The following ARHGEF3 variants were observed in gnomAD, a reference collection of about 807,000 sequenced individuals.
ARHGEF3 encodes the protein 59.8 kDA protein.
In ARHGEF3, 28 loss-of-function variants were observed where a neutral mutation model predicts 63.2. That is an observed-to-expected ratio of 0.44 (90% CI 0.33 to 0.61). The LOEUF is 0.61. Ranked by LOEUF, ARHGEF3 falls within the 20% of genes least tolerant of loss-of-function variation. The probability of loss-of-function intolerance (pLI) is 0.03; values close to 1 mark genes in which losing one functional copy is unlikely to be tolerated. For synonymous variants in ARHGEF3, 266 were observed against 254.2 expected (o/e 1.05, Z -0.44); for missense variants, 533 against 659.3 (o/e 0.81, Z 2.10).
chr3:56,857,071 A>T (rs926231427), intron 4 of ARHGEF3, among the ~76,000 whole-genome samples: 9 of 151,836 alleles, frequency 5.9e-5, no homozygotes, highest in East Asian at 1.9e-4. Flanking sequence ...ATAATTTTTT[A>T]AAATTTTTTT....
intron 3 of ARHGEF3, among the ~76,000 whole-genome samples, chr3:56,913,466 C>T (rs990883188): frequency 2.0e-5 from 3 of 152,056 alleles, no homozygotes; most frequent in Non-Finnish European, 4.4e-5. Context: ...TACCACTTCA[C>T]ACCTATTAGA....
intron 2 of ARHGEF3, among the ~76,000 whole-genome samples, chr3:56,768,039 T>G (rs193290488): frequency 6.6e-6 from 1 of 151,470 alleles, no homozygotes; most frequent in Admixed American, 6.6e-5. Flanking sequence ...TGAGCCACCA[T>G]GCCCAGCCCC....
intron 3 of ARHGEF3, among the ~76,000 whole-genome samples, chr3:56,895,717 C>T (rs1459062285): frequency 1.3e-5 from 2 of 152,124 alleles, no homozygotes; most frequent in Non-Finnish European, 2.9e-5. Flanking sequence ...CCTGCCTCGG[C>T]CTCCCAAAGT....
chr3:56,927,191 A>G (rs2108382411), intron 3 of ARHGEF3, among the ~76,000 whole-genome samples: 1 of 152,334 alleles, frequency 6.6e-6, no homozygotes, highest in South Asian at 2.1e-4. Flanking sequence ...CAGTAAGAGG[A>G]CCCACTGCAA....
intron 1 of ARHGEF3, among the ~76,000 whole-genome samples, chr3:57,036,320 T>C (rs35612847): frequency 6.6e-6 from 1 of 152,026 alleles, no homozygotes; most frequent in South Asian, 2.1e-4. Context: ...ACTGGTAAAA[T>C]ACCATTCGGG....
chr3:56,756,591 C>G (rs2035081873), intron 2 of ARHGEF3, among the ~76,000 whole-genome samples: 4 of 148,278 alleles, frequency 2.7e-5, no homozygotes, highest in Middle Eastern at 6.9e-3. Context: ...GCTCTGTCGC[C>G]CAGGCTGGAG....
At chr3:57,010,284 C>T (rs1375850638) in intron 2 of ARHGEF3, among the ~76,000 whole-genome samples, 2 of 151,966 alleles carry the variant, frequency 1.3e-5, no homozygotes, top group Non-Finnish European at 2.9e-5. Context: ...GAAACCCCAT[C>T]TCTACTAAAA....
chr3:57,027,322 G>A (rs1703516729), intron 2 of ARHGEF3, among the ~76,000 whole-genome samples: 1 of 152,186 alleles, frequency 6.6e-6, no homozygotes, highest in Non-Finnish European at 1.5e-5. Flanking sequence ...GCCACCCTAT[G>A]AGAAGGTGAC....
intron 2 of ARHGEF3, among the ~76,000 whole-genome samples, chr3:56,761,610 T>G (rs2035426104): frequency 6.6e-6 from 1 of 152,168 alleles, no homozygotes; most frequent in African/African-American, 2.4e-5. Context: ...CAACTTTTGC[T>G]TAATGATTAA....
chr3:56,946,804 C>T (rs1052264365), intron 3 of ARHGEF3, among the ~76,000 whole-genome samples: 36 of 152,232 alleles, frequency 2.4e-4, no homozygotes, highest in Admixed American at 2.4e-3. Context: ...TCGAGAAGAG[C>T]AACTCCAAGA....
intron 1 of ARHGEF3, among the ~76,000 whole-genome samples, chr3:57,044,322 G>C (rs569649585): frequency 3.9e-5 from 6 of 152,282 alleles, no homozygotes; most frequent in East Asian, 1.9e-4. Context: ...GGTCCACTTG[G>C]GGGGGTTGGC....
rs1700152576 is a variant in ARHGEF3 at position 56,958,730 on chromosome 3, TA to T, written c.129+92del. 20 of 1,363,288 alleles carry T rather than the reference TA, an allele frequency of 1.5e-5. No individual in the cohort carries two copies. In the East Asian group the frequency reaches 5.0e-4, roughly 34 times the overall value. 84.4% of individuals were successfully genotyped at this position (1,363,288 alleles called of 1,614,324 possible). A position where few individuals can be genotyped will look rare whatever the true frequency, so the allele number is the denominator to read the frequency against. On this transcript the variant is annotated intron_variant, in intron 3 of 12. Coordinates refer to the ARHGEF3 transcript ENST00000338458. ...CGCTCCTGATGGAGACTTTGATTAG[TA>T]AAACCAACCCTAACAGCGTCCGTTC...
At chr3:56,886,099 T>C (rs536621765) in intron 3 of ARHGEF3, among the ~76,000 whole-genome samples, 3 of 152,336 alleles carry the variant, frequency 2.0e-5, no homozygotes, top group African/African-American at 7.2e-5. Context: ...ATCTCTGTCA[T>C]GAATGAGTCA....
At chr3:56,784,734 T>C (rs2036719842) in intron 1 of ARHGEF3, among the ~76,000 whole-genome samples, 1 of 152,198 alleles carries the variant, frequency 6.6e-6, no homozygotes, top group Admixed American at 6.5e-5. Flanking sequence ...CTGCAGCAAG[T>C]GACAAAGTTC....
intron 2 of ARHGEF3, among the ~76,000 whole-genome samples, chr3:57,030,932 G>A (rs1703704114): frequency 6.6e-6 from 1 of 152,240 alleles, no homozygotes; most frequent in Admixed American, 6.5e-5. Context: ...ATAAATCACA[G>A]TAACAAAACT....
At chr3:56,730,043 C>T (rs531655090) in intron 9 of ARHGEF3, among the ~76,000 whole-genome samples, 7 of 152,128 alleles carry the variant, frequency 4.6e-5, no homozygotes, top group Non-Finnish European at 8.8e-5. Flanking sequence ...AATATAGTGA[C>T]GCCTTTTCTC....
intron 4 of ARHGEF3, among the ~76,000 whole-genome samples, chr3:56,843,992 C>A (rs749868094): frequency 1.2e-4 from 18 of 152,164 alleles, no homozygotes; most frequent in Admixed American, 1.0e-3. Context: ...CCATGAATCT[C>A]AGACTCATCA....
Position 56,966,692 on chromosome 3 carries a change from A to G in ARHGEF3, c.63-7803T>C, listed in dbSNP as rs115801164. The stretch of plus-strand genomic sequence containing the variant: ...GGGGAAAAGAGAGTCAGGGGTTCAG[A>G]GTGAAAGCAGAGATAAGCTGGAGGC... On this transcript the variant is annotated intron_variant, in intron 2 of 12. Coordinates refer to the ARHGEF3 transcript ENST00000338458. Among the ~76,000 whole-genome samples, 1,234 of 152,130 alleles carry G rather than the reference A, an allele frequency of 8.1e-3. 23 individuals are homozygous for G. Among genetic ancestry groups the G allele is most frequent in the African/African-American group, 0.028 (1,175 of 41,490 alleles).
At chr3:57,055,539 C>T (rs1478175356) in intron 1 of ARHGEF3, among the ~76,000 whole-genome samples, 2 of 152,158 alleles carry the variant, frequency 1.3e-5, no homozygotes, top group Non-Finnish European at 2.9e-5. Flanking sequence ...TTATTATCTT[C>T]TAGAAACTCC....
Sources: gnomAD v4.1 joint callset for allele counts (sites outside exome capture counted in the v4.1 genomes callset) on GRCh38, gnomAD v4.1.1 for gene constraint, MANE v1.5 for transcripts, NCBI Gene and HGNC (gene_info 2026-07-23, HGNC 2026-07-21) for gene names.